NDUFA5: variants seen among roughly 807,000 people sequenced by gnomAD.
NDUFA5 encodes NADH dehydrogenase [ubiquinone] 1 alpha subcomplex subunit 5.
A neutral mutation model predicts 19.8 loss-of-function variants in NDUFA5; 11 were observed. That is an observed-to-expected ratio of 0.56 (90% CI 0.35 to 0.92). The LOEUF (loss-of-function observed/expected upper bound fraction) is 0.92. NDUFA5 is among the 40% of genes least tolerant of loss of function. NDUFA5 has a pLI of 0.01. For synonymous variants in NDUFA5, 47 were observed against 46.8 expected (o/e 1.00, Z -0.01); for missense variants, 109 against 134.2 (o/e 0.81, Z 0.93).
At position 123,550,599 on chromosome 7, in the gene NDUFA5, AC is replaced by A; in HGVS notation, c.67-14del. 1 of 1,495,986 alleles carries A rather than the reference AC, an allele frequency of 6.7e-7. No individual in the cohort carries two copies. Among genetic ancestry groups the A allele is most frequent in the Non-Finnish European group, 9.2e-7 (1 of 1,081,992 alleles). The allele number at this position is 1,495,986 out of a possible 1,614,324, so 92.7% of individuals were successfully genotyped here. On this transcript the variant is annotated splice_polypyrimidine_tract_variant and intron_variant, in intron 2 of 4. Coordinates refer to ENST00000355749, the MANE Select transcript of NDUFA5 (RefSeq NM_005000.5). ...ATATTCTTAGCCTCTGAAAAGACAAACCATACAAATTTCCATAGGTTAAAAT... is the reference window on the plus strand; with the variant it reads ...ATATTCTTAGCCTCTGAAAAGACAAACATACAAATTTCCATAGGTTAAAAT...
At chr7:123,600,110 G>A in the NDUFA5 span, among the ~76,000 whole-genome samples, 1 of 152,104 alleles carries the variant, frequency 6.6e-6, no homozygotes, top group Non-Finnish European at 1.5e-5. Context: ...TTAAAATGGT[G>A]GTGCCATGGT....
At chr7:123,562,483 G>A (rs1798701815), upstream of NDUFA5, among the ~76,000 whole-genome samples, 1 of 152,218 alleles carries the variant, frequency 6.6e-6, no homozygotes, top group Non-Finnish European at 1.5e-5. Context: ...ATCTCCATCA[G>A]TGATCTTAGC....
chr7:123,557,934 C>T (rs370617598), upstream of NDUFA5: 4 of 1,439,008 alleles, frequency 2.8e-6, no homozygotes, highest in African/African-American at 1.4e-5. Context: ...GGAGCAAAGA[C>T]TCTGCCCCGC....
At chr7:123,554,283 C>G (rs1371227303) in intron 2 of NDUFA5, among the ~76,000 whole-genome samples, 1 of 151,950 alleles carries the variant, frequency 6.6e-6, no homozygotes, top group Non-Finnish European at 1.5e-5. Context: ...TTACCTTTTT[C>G]TTCATTAAAA....
At chr7:123,574,026 C>T in the NDUFA5 span, among the ~76,000 whole-genome samples, 2,964 of 152,142 alleles carry the variant, frequency 0.019, 91 homozygotes, top group African/African-American at 0.068. Flanking sequence ...ATACATGTTA[C>T]TCATTGAATT....
the NDUFA5 span, among the ~76,000 whole-genome samples, chr7:123,570,148 C>T: frequency 6.6e-6 from 1 of 151,022 alleles, no homozygotes; most frequent in Non-Finnish European, 1.5e-5. Context: ...CATTCTCCTG[C>T]CTCAGCCTCC....
At chr7:123,558,566 A>G (rs1798640466), upstream of NDUFA5, among the ~76,000 whole-genome samples, 1 of 152,218 alleles carries the variant, frequency 6.6e-6, no homozygotes, top group Admixed American at 6.5e-5. Context: ...GGTACCAGGG[A>G]AAAGGAAATA....
At chr7:123,557,536 C>G in intron 1 of NDUFA5, 88 bp from the exon 2 acceptor site, 1 of 1,611,022 alleles carries the variant, frequency 6.2e-7, no homozygotes, top group South Asian at 1.1e-5. Flanking sequence ...ACGAATCCCC[C>G]GGCTAAAACT....
At position 123,557,769 on chromosome 7, in the gene NDUFA5, TCTCACCTTCTTCAG is replaced by T. The variant is rs773696369; in HGVS notation, c.13_21+5del. On this transcript the variant is annotated splice_donor_variant and splice_donor_5th_base_variant and coding_sequence_variant and intron_variant, in exon 1 of 5. Coordinates refer to ENST00000355749, the MANE Select transcript of NDUFA5 (RefSeq NM_005000.5). LOFTEE classifies it high-confidence loss of function. ...AAATTCCAACAGTGACCTCCATTCGTCTCACCTTCTTCAGCACACCCGCCATGACAGCGCCAACG... is the reference window on the plus strand; with the variant it reads ...AAATTCCAACAGTGACCTCCATTCGTCACACCCGCCATGACAGCGCCAACG... 1.2e-6 allele frequency: 2 copies of T among 1,613,316 alleles called. No homozygotes were observed. The highest frequency in any genetic ancestry group is 2.7e-5 in the African/African-American group (2 of 74,660).
intron 4 of NDUFA5, among the ~76,000 whole-genome samples, chr7:123,544,128 A>T (rs989973703): frequency 6.6e-5 from 10 of 152,212 alleles, no homozygotes; most frequent in African/African-American, 2.2e-4. Context: ...TATTTATCAG[A>T]CACTTATAAG....
upstream of NDUFA5, among the ~76,000 whole-genome samples, chr7:123,559,294 T>C (rs1798654399): frequency 6.9e-6 from 1 of 145,718 alleles, no homozygotes; most frequent in East Asian, 2.0e-4. Context: ...CTAACATAAT[T>C]AAAGAAATTG....
chr7:123,601,492 A>C, the NDUFA5 span, among the ~76,000 whole-genome samples: 1 of 152,178 alleles, frequency 6.6e-6, no homozygotes, highest in Non-Finnish European at 1.5e-5. Flanking sequence ...AATATGTCAA[A>C]AGTGGATTAG....
the NDUFA5 span, among the ~76,000 whole-genome samples, chr7:123,578,785 C>T: frequency 2.6e-5 from 4 of 152,094 alleles, no homozygotes; most frequent in Admixed American, 1.3e-4. Flanking sequence ...TGAATCATTG[C>T]TATCTTTAAA....
chr7:123,589,141 A>G, the NDUFA5 span, among the ~76,000 whole-genome samples: 1 of 151,836 alleles, frequency 6.6e-6, no homozygotes, highest in Non-Finnish European at 1.5e-5. Flanking sequence ...AAAGTAGAGT[A>G]TTGAAGTCCC....
chr7:123,546,131 C>T (rs1798123350), intron 3 of NDUFA5, among the ~76,000 whole-genome samples: 1 of 152,066 alleles, frequency 6.6e-6, no homozygotes, highest in African/African-American at 2.4e-5. Context: ...TAGCCCCAAA[C>T]TAGAAATAAC....
chr7:123,554,490 A>C (rs1798465310), intron 2 of NDUFA5, among the ~76,000 whole-genome samples: 1 of 152,022 alleles, frequency 6.6e-6, no homozygotes, highest in African/African-American at 2.4e-5. Context: ...AGAAATAAAC[A>C]ATTTATAAGT....
At chr7:123,557,954 AAG>A (rs1218782083), upstream of NDUFA5, 2 of 1,303,606 alleles carry the variant, frequency 1.5e-6, no homozygotes, top group Non-Finnish European at 2.1e-6. Context: ...CCCATCTTAA[AAG>A]AGAAAAATTG....
chr7:123,538,079 A>T lies in NDUFA5; in HGVS notation c.*4040T>A, dbSNP rs1407514550. On this transcript the variant is annotated 3_prime_UTR_variant, in exon 5 of 5. Transcript: ENST00000355749. ...AATTTTGTGGCACAGTCAAAAAAAAATTTAACCTTGGTTGTTTCTTTTTTT... is the reference window on the plus strand; with the variant it reads ...AATTTTGTGGCACAGTCAAAAAAAATTTTAACCTTGGTTGTTTCTTTTTTT... 6 of 152,164 alleles carry T rather than the reference A, an allele frequency of 3.9e-5. No individual in the cohort carries two copies. Among genetic ancestry groups the T allele is most frequent in the African/African-American group, 1.4e-4 (6 of 41,446 alleles). The allele number at this position is 152,164 out of a possible 1,614,324, so 9.4% of individuals were successfully genotyped here. A position where few individuals can be genotyped will look rare whatever the true frequency, so the allele number is the denominator to read the frequency against.
At chr7:123,542,602 T>C (rs1196734534) in intron 4 of NDUFA5, among the ~76,000 whole-genome samples, 3 of 152,178 alleles carry the variant, frequency 2.0e-5, no homozygotes, top group Non-Finnish European at 4.4e-5. Context: ...TTATTTTGAG[T>C]TCCACAATAC....
Sources: allele counts gnomAD v4.1 joint callset (sites outside exome capture counted in the v4.1 genomes callset), GRCh38; gene constraint gnomAD v4.1.1; transcripts MANE v1.5; gene names NCBI Gene and HGNC (gene_info 2026-07-23, HGNC 2026-07-21).